KHDRBS2: variants seen among roughly 807,000 people sequenced by gnomAD.
KHDRBS2 encodes the protein KH domain-containing, RNA-binding, signal transduction-associated protein 2.
KHDRBS2 carries 26 observed loss-of-function variants against 44.3 expected under a neutral mutation model. The ratio of observed to expected loss-of-function variants is 0.59; its 90% CI spans 0.43 to 0.81. The LOEUF (loss-of-function observed/expected upper bound fraction) is 0.81, where lower values mean the gene tolerates loss of function less well. Among genes scored for constraint, KHDRBS2 ranks in the 40% least tolerant of loss-of-function variants. KHDRBS2 has a pLI of 0.00. For synonymous variants in KHDRBS2, 194 were observed against 151.1 expected (o/e 1.28, Z -2.08); for missense variants, 476 against 433.1 (o/e 1.10, Z -0.88).
intron 1 of KHDRBS2, among the ~76,000 whole-genome samples, chr6:62,270,775 T>C (rs992853839): frequency 1.3e-5 from 2 of 152,148 alleles, no homozygotes; most frequent in African/African-American, 2.4e-5. Flanking sequence ...CAGATGAATA[T>C]GGCATATATA....
At chr6:61,977,558 TTTATA>T (rs1260783052) in intron 4 of KHDRBS2, among the ~76,000 whole-genome samples, 1 of 152,110 alleles carries the variant, frequency 6.6e-6, no homozygotes, top group Non-Finnish European at 1.5e-5. Context: ...TATTGATGAT[TTTATA>T]TTATGTTTTA....
intron 7 of KHDRBS2, among the ~76,000 whole-genome samples, chr6:61,726,437 A>G (rs933992469): frequency 6.6e-6 from 1 of 152,216 alleles, no homozygotes; most frequent in Non-Finnish European, 1.5e-5. Context: ...ATCAGGCAAG[A>G]GAAAGAAACA....
At chr6:61,870,528 G>C (rs1347072252) in intron 6 of KHDRBS2, among the ~76,000 whole-genome samples, 2 of 152,114 alleles carry the variant, frequency 1.3e-5, no homozygotes, top group African/African-American at 4.8e-5. Flanking sequence ...TCCCAGCATA[G>C]TGTCAGACTG....
At chr6:61,812,978 T>C (rs1788366528) in intron 6 of KHDRBS2, among the ~76,000 whole-genome samples, 1 of 152,132 alleles carries the variant, frequency 6.6e-6, no homozygotes, top group Non-Finnish European at 1.5e-5. Flanking sequence ...TATTTTATTT[T>C]GGAAGCCTCT....
intron 1 of KHDRBS2, among the ~76,000 whole-genome samples, chr6:62,216,995 C>T (rs1830113357): frequency 7.1e-6 from 1 of 141,182 alleles, no homozygotes; most frequent in Admixed American, 7.4e-5. Context: ...GCCTGAGAGT[C>T]TTTATATCTT....
chr6:61,941,948 T>G (rs1052100161), intron 4 of KHDRBS2, among the ~76,000 whole-genome samples: 2 of 151,898 alleles, frequency 1.3e-5, no homozygotes, highest in African/African-American at 4.8e-5. Flanking sequence ...AGAAAAAGAA[T>G]CCAAATTATT....
At chr6:62,216,696 CTTTT>C (rs562340356) in intron 1 of KHDRBS2, among the ~76,000 whole-genome samples, 1 of 140,122 alleles carries the variant, frequency 7.1e-6, no homozygotes, top group Non-Finnish European at 1.5e-5. Context: ...TCTTTCTCCT[CTTTT>C]TTTTTTTTTT....
At chr6:61,898,506 A>G (rs1351465169) in intron 5 of KHDRBS2, among the ~76,000 whole-genome samples, 1 of 151,998 alleles carries the variant, frequency 6.6e-6, no homozygotes, top group Non-Finnish European at 1.5e-5. Context: ...TCATTATGAG[A>G]TACACAATTA....
chr6:62,218,073 C>G (rs572633929), intron 1 of KHDRBS2, among the ~76,000 whole-genome samples: 1 of 151,742 alleles, frequency 6.6e-6, no homozygotes, highest in Non-Finnish European at 1.5e-5. Context: ...CTTGCCAACA[C>G]GGGAAGAGAC....
the KHDRBS2 span, among the ~76,000 whole-genome samples, chr6:61,608,009 C>G: frequency 6.6e-6 from 1 of 152,046 alleles, no homozygotes; most frequent in African/African-American, 2.4e-5. Flanking sequence ...TTAATGTAGC[C>G]AATGATTTAC....
At chr6:61,727,898 T>G (rs1431949661) in intron 7 of KHDRBS2, among the ~76,000 whole-genome samples, 1 of 152,130 alleles carries the variant, frequency 6.6e-6, no homozygotes, top group Non-Finnish European at 1.5e-5. Context: ...AGAAATACCC[T>G]TTGACCCAGC....
At chr6:62,042,964 CA>C (rs1786871255) in intron 3 of KHDRBS2, among the ~76,000 whole-genome samples, 1 of 152,018 alleles carries the variant, frequency 6.6e-6, no homozygotes, top group South Asian at 2.1e-4. Flanking sequence ...ACAGAAATGC[CA>C]AAATACCTTT....
At chr6:61,755,877 T>C (rs1015015091) in intron 6 of KHDRBS2, among the ~76,000 whole-genome samples, 1 of 151,736 alleles carries the variant, frequency 6.6e-6, no homozygotes. Flanking sequence ...GAGGGTCCAA[T>C]AAAGACTTAC....
chr6:62,018,634 C>T (rs1301815317), intron 3 of KHDRBS2, among the ~76,000 whole-genome samples: 1 of 152,126 alleles, frequency 6.6e-6, no homozygotes, highest in Non-Finnish European at 1.5e-5. Context: ...CGTGAGCCAC[C>T]GCGCCCGGCC....
intron 8 of KHDRBS2, among the ~76,000 whole-genome samples, chr6:61,681,909 A>T (rs1233986922): frequency 6.6e-6 from 1 of 151,940 alleles, no homozygotes; most frequent in Non-Finnish European, 1.5e-5. Context: ...GTGACATTTT[A>T]TGTGATTCCA....
Position 62,276,890 on chromosome 6 carries a change from T to C in KHDRBS2, c.91+8968A>G, listed in dbSNP as rs1459231068. 2.6e-5 allele frequency among the ~76,000 whole-genome samples: 4 copies of C among 152,324 alleles called. 1 individual carries two copies. Among genetic ancestry groups the C allele is most frequent in the African/African-American group, 9.6e-5 (4 of 41,576 alleles). ...GGTGAAAAGGCCTGGGTTTCAACTT[T>C]ACAATTTCTTTGCTGTGAGACCTGA... On this transcript the variant is annotated intron_variant, in intron 1 of 8. Coordinates refer to ENST00000281156, the MANE Select transcript of KHDRBS2 (RefSeq NM_152688.4).
At chr6:61,872,730 A>C (rs573808011) in intron 6 of KHDRBS2, among the ~76,000 whole-genome samples, 2 of 151,112 alleles carry the variant, frequency 1.3e-5, no homozygotes, top group East Asian at 3.9e-4. Flanking sequence ...AGACCAAGGT[A>C]AGCTAAGATG....
At chr6:61,982,708 T>C (rs1774116189) in intron 3 of KHDRBS2, among the ~76,000 whole-genome samples, 2 of 150,250 alleles carry the variant, frequency 1.3e-5, no homozygotes, top group Admixed American at 6.6e-5. Context: ...ACAAGACTGA[T>C]TAAAGATTTT....
At chr6:61,563,956 C>A in the KHDRBS2 span, among the ~76,000 whole-genome samples, 1 of 152,042 alleles carries the variant, frequency 6.6e-6, no homozygotes, top group Non-Finnish European at 1.5e-5. Context: ...CCGCTTATGA[C>A]CTTGGACAGT....
Sources: gnomAD v4.1 joint callset for allele counts (sites outside exome capture counted in the v4.1 genomes callset) on GRCh38, gnomAD v4.1.1 for gene constraint, MANE v1.5 for transcripts, NCBI Gene and HGNC (gene_info 2026-07-23, HGNC 2026-07-21) for gene names.